The following SLC35F3 variants were observed in gnomAD, a reference collection of about 807,000 sequenced individuals.
SLC35F3 encodes the protein solute carrier family 35 member F3.
SLC35F3 carries 25 observed loss-of-function variants against 49.9 expected under a neutral mutation model. The ratio of observed to expected loss-of-function variants is 0.50; its 90% confidence interval spans 0.37 to 0.70. The LOEUF (loss-of-function observed/expected upper bound fraction) is 0.70. SLC35F3 is among the 30% of genes least tolerant of loss of function. The probability of loss-of-function intolerance (pLI) is 0.00; values close to 1 mark genes in which losing one functional copy is unlikely to be tolerated. For missense variants in SLC35F3, 525 were observed against 639.8 expected (o/e 0.82, Z 1.94); for synonymous variants, 275 against 265.4 (o/e 1.04, Z -0.35).
intron 2 of SLC35F3, among the ~76,000 whole-genome samples, chr1:234,069,089 A>AT (rs1558220552): frequency 7.9e-6 from 1 of 125,840 alleles, no homozygotes; most frequent in African/African-American, 3.0e-5. Context: ...AATATATATT[A>AT]TATATTATAT....
At chr1:234,236,171 T>G (rs1038939515) in intron 3 of SLC35F3, among the ~76,000 whole-genome samples, 11 of 152,162 alleles carry the variant, frequency 7.2e-5, no homozygotes, top group Non-Finnish European at 1.5e-5. Flanking sequence ...CCTGGCATGG[T>G]GGCTCTTGTC....
At chr1:233,920,046 TAG>T (rs1287573146) in intron 2 of SLC35F3, among the ~76,000 whole-genome samples, 2 of 152,144 alleles carry the variant, frequency 1.3e-5, no homozygotes, top group Admixed American at 6.5e-5. Flanking sequence ...CGTTTGCAGA[TAG>T]AGAGAGACCT....
chr1:234,070,381 C>T (rs1223499098), intron 2 of SLC35F3, among the ~76,000 whole-genome samples: 1 of 152,224 alleles, frequency 6.6e-6, no homozygotes, highest in African/African-American at 2.4e-5. Context: ...TTTATGCCTT[C>T]ATTTCCCAGT....
intron 2 of SLC35F3, among the ~76,000 whole-genome samples, chr1:233,972,485 G>A (rs911925549): frequency 2.0e-5 from 3 of 152,148 alleles, no homozygotes; most frequent in African/African-American, 7.2e-5. Context: ...ACCTTCTATA[G>A]CAGTGTGACT....
intron 3 of SLC35F3, among the ~76,000 whole-genome samples, chr1:234,300,345 G>A (rs905250513): frequency 2.0e-5 from 3 of 152,062 alleles, no homozygotes; most frequent in Non-Finnish European, 4.4e-5. Flanking sequence ...GTATGTCTGG[G>A]GTCAAATCCA....
intron 3 of SLC35F3, among the ~76,000 whole-genome samples, chr1:234,286,699 T>C (rs928678547): frequency 2.6e-5 from 4 of 152,218 alleles, no homozygotes; most frequent in African/African-American, 9.7e-5. Flanking sequence ...ATTGTCTCTC[T>C]AAACAGAAAA....
intron 2 of SLC35F3, among the ~76,000 whole-genome samples, chr1:234,147,527 A>G (rs1256508777): frequency 6.6e-6 from 1 of 151,652 alleles, no homozygotes; most frequent in South Asian, 2.1e-4. Flanking sequence ...TTTGTCTTTC[A>G]TTTATAGCAT....
chr1:234,306,738 C>T (rs932131119), intron 3 of SLC35F3, among the ~76,000 whole-genome samples: 1 of 152,172 alleles, frequency 6.6e-6, no homozygotes, highest in African/African-American at 2.4e-5. Flanking sequence ...GCCATCAATA[C>T]CAAGCCATAT....
chr1:234,188,818 A>G (rs1666686094), intron 2 of SLC35F3, among the ~76,000 whole-genome samples: 1 of 152,190 alleles, frequency 6.6e-6, no homozygotes, highest in Non-Finnish European at 1.5e-5. Flanking sequence ...TGCCACCGCC[A>G]CTGGAGCAAG....
At chr1:233,941,980 T>A (rs891480408) in intron 2 of SLC35F3, among the ~76,000 whole-genome samples, 1 of 140,204 alleles carries the variant, frequency 7.1e-6, no homozygotes, top group Non-Finnish European at 1.5e-5. Flanking sequence ...TTTTTTTTTT[T>A]AGATGGAGTC....
intron 2 of SLC35F3, among the ~76,000 whole-genome samples, chr1:234,170,830 T>C (rs1029596409): frequency 6.6e-6 from 1 of 152,172 alleles, no homozygotes; most frequent in Non-Finnish European, 1.5e-5. Flanking sequence ...GCAATTTCCT[T>C]TCCTCCCAAG....
chr1:233,952,408 A>G (rs953573015), intron 2 of SLC35F3, among the ~76,000 whole-genome samples: 7 of 152,196 alleles, frequency 4.6e-5, no homozygotes, highest in South Asian at 2.1e-4. Flanking sequence ...CTGTGCTCCA[A>G]TATAGCTGGA....
chr1:234,077,525 A>G (rs1028164884), intron 2 of SLC35F3, among the ~76,000 whole-genome samples: 5 of 152,214 alleles, frequency 3.3e-5, no homozygotes, highest in Admixed American at 6.5e-5. Context: ...CCATGATTCA[A>G]TTACCTCCAC....
chr1:234,053,072 A>T (rs1468832083), intron 2 of SLC35F3, among the ~76,000 whole-genome samples: 8 of 152,176 alleles, frequency 5.3e-5, no homozygotes, highest in African/African-American at 1.9e-4. Flanking sequence ...GTGGTCAATT[A>T]TGGAATAAGT....
intron 2 of SLC35F3, among the ~76,000 whole-genome samples, chr1:233,971,717 CAAA>C (rs59905472): frequency 2.6e-5 from 3 of 117,336 alleles, no homozygotes; most frequent in Admixed American, 8.7e-5. Context: ...GACTCCGACT[CAAA>C]AAAAAAAAAA....
intron 7 of SLC35F3, among the ~76,000 whole-genome samples, chr1:234,321,822 T>C (rs1231152766): frequency 6.6e-6 from 1 of 152,098 alleles, no homozygotes; most frequent in Non-Finnish European, 1.5e-5. Context: ...CGACATCTGC[T>C]CAAGGGACTG....
rs140020327 is a variant in SLC35F3 at position 234,059,130 on chromosome 1, C to T, written c.283+153372C>T. Among the ~76,000 whole-genome samples the T allele has an allele frequency of 2.1e-4, 32 of 151,712 alleles. 1 individual carries two copies. In the East Asian group the frequency reaches 6.0e-3, roughly 28 times the overall value. ...TGTTCTCTTCAAGTGAATAGCTTTT[C>T]GTTTCATCCATTTTTCTCTATTGTT... On this transcript the variant is annotated intron_variant, in intron 2 of 7. Coordinates refer to ENST00000366618, the MANE Select transcript of SLC35F3 (RefSeq NM_173508.4).
chr1:234,031,550 T>C (rs2102848389), intron 2 of SLC35F3, among the ~76,000 whole-genome samples: 1 of 152,242 alleles, frequency 6.6e-6, no homozygotes, highest in South Asian at 2.1e-4. Flanking sequence ...AACTCCTTTT[T>C]GGGGGGGCAT....
intron 2 of SLC35F3, chr1:234,213,917 T>A (rs1216345343): frequency 6.6e-6 from 1 of 152,664 alleles, no homozygotes; most frequent in Non-Finnish European, 1.5e-5. Flanking sequence ...CTTTGCTTTT[T>A]CTAACTCTCC....
Sources: allele counts gnomAD v4.1 joint callset (sites outside exome capture counted in the v4.1 genomes callset), GRCh38; gene constraint gnomAD v4.1.1; transcripts MANE v1.5; gene names NCBI Gene and HGNC (gene_info 2026-07-23, HGNC 2026-07-21).